Variants in CDKL5 observed in about 807,000 individuals in gnomAD.
CDKL5 encodes the protein cyclin dependent kinase like 5.
CDKL5 carries 8 observed loss-of-function variants against 61.7 expected under a neutral mutation model. The observed-to-expected ratio is 0.13, with a 90% CI of 0.08 to 0.23. The LOEUF (loss-of-function observed/expected upper bound fraction) is 0.23. CDKL5 is among the 10% of genes least tolerant of loss of function. The pLI, the probability that CDKL5 is intolerant of heterozygous loss-of-function variation, is 1.00. For missense variants in CDKL5, 440 were observed against 734.5 expected, an observed-to-expected ratio of 0.60 and a Z score of 4.63; for synonymous variants, 275 against 272.3, an observed-to-expected ratio of 1.01 and a Z score of -0.10.
intron 8 of CDKL5, among the ~76,000 whole-genome samples, chrX:18,587,153 G>C (rs1244773358): frequency 9.0e-6 from 1 of 110,725 alleles, no homozygotes; most frequent in African/African-American, 3.3e-5. Context: ...AAATGTGTGT[G>C]AGCGTGCACG....
intron 1 of CDKL5, among the ~76,000 whole-genome samples, chrX:18,480,272 A>G (rs1412885336): frequency 9.0e-6 from 1 of 111,703 alleles, no homozygotes; most frequent in Non-Finnish European, 1.9e-5. Flanking sequence ...TTTGTGGAGT[A>G]TCCCTCAGTT....
chrX:18,511,161 T>C (rs1270923383), intron 3 of CDKL5, among the ~76,000 whole-genome samples: 1 of 112,201 alleles, frequency 8.9e-6, no homozygotes, highest in East Asian at 2.8e-4. Flanking sequence ...TAAATACTTA[T>C]ATGTGGAATT....
In CDKL5 at chrX:18,633,263, G is replaced by A. The variant is rs1927284597; in HGVS notation, c.*4506G>A. 1 of 752,597 alleles carries A rather than the reference G, an allele frequency of 1.3e-6. No homozygotes were observed. Among genetic ancestry groups the A allele is most frequent in the African/African-American group, 2.3e-5 (1 of 43,282 alleles). The allele number at this position is 752,597 out of a possible 1,213,427, so 62.0% of individuals were successfully genotyped here. On this transcript the variant is annotated 3_prime_UTR_variant, in exon 18 of 18. Coordinates refer to ENST00000623535, the MANE Select transcript of CDKL5 (RefSeq NM_001323289.2). ...GTACACTGAACCAAGTCAGAAAATA[G>A]TGAAATATTTCCTTGCCTCCTTCAG...
At chrX:18,534,898 A>G (rs765485886) in intron 3 of CDKL5, among the ~76,000 whole-genome samples, 25 of 112,379 alleles carry the variant, frequency 2.2e-4, no homozygotes, top group Non-Finnish European at 4.5e-4. Context: ...ATTTTCTTTC[A>G]TTAGGGAGAA....
intron 12 of CDKL5, among the ~76,000 whole-genome samples, chrX:18,605,800 G>C (rs1926344326): frequency 8.9e-6 from 1 of 112,252 alleles, no homozygotes; most frequent in South Asian, 3.7e-4. Context: ...TCTATGCTGG[G>C]TGTTCCCAGG....
At chrX:18,501,007 T>A (rs1200172353) in intron 1 of CDKL5, among the ~76,000 whole-genome samples, 1 of 110,413 alleles carries the variant, frequency 9.1e-6, no homozygotes, top group Admixed American at 9.7e-5. Flanking sequence ...CCCGGCTAAT[T>A]TTTTGGTATT....
At chrX:18,478,354 T>A (rs1196748095) in intron 1 of CDKL5, among the ~76,000 whole-genome samples, 1 of 102,360 alleles carries the variant, frequency 9.8e-6, no homozygotes, top group Non-Finnish European at 2.0e-5. Context: ...GCAGTGGTGC[T>A]ATGTCAGCTC....
At chrX:18,644,701 G>C, downstream of CDKL5, 2 of 1,038,364 alleles carry the variant, frequency 1.9e-6, no homozygotes, top group East Asian at 3.0e-5. Context: ...GCTGGCTCTC[G>C]AGGGGATGCC....
At position 18,636,349 on chromosome X, in the gene CDKL5, T is replaced by C; in HGVS notation, c.*7592T>C. The C allele has an allele frequency of 1.0e-5, 1 of 96,226 alleles. No individual in the cohort carries two copies. Among genetic ancestry groups the C allele is most frequent in the East Asian group, 3.0e-4 (1 of 3,294 alleles). 7.9% of individuals were successfully genotyped at this position (96,226 alleles called of 1,213,427 possible). A position where few individuals can be genotyped will look rare whatever the true frequency, so the allele number is the denominator to read the frequency against. ...CAAGTGTTTTGCTTTATTATTATTA[T>C]TATTATTATTATTATTATTATTATT... On this transcript the variant is annotated 3_prime_UTR_variant, in exon 18 of 18. Coordinates refer to ENST00000623535, the MANE Select transcript of CDKL5 (RefSeq NM_001323289.2).
Position 18,598,543 on chromosome X carries a change from C to G in CDKL5, c.907C>G (p.Leu303Val). Reference protein sequence around the residue: ...NHPTFQTQRLLDRSPSRSAKR... With the variant: ...NHPTFQTQRLVDRSPSRSAKR... ...CCCTACATTTCAAACCCAGAGACTT[C>G]TGGATCGTTCTCCTTCAAGGTCAGC... Residue 303 changes from leucine to valine, a missense_variant, in exon 11 of 18, where the codon CTG becomes GTG. Transcript: ENST00000623535. 2 of 1,208,641 alleles carry G rather than the reference C, an allele frequency of 1.7e-6. No homozygotes were observed. Among genetic ancestry groups the G allele is most frequent in the African/African-American group, 1.7e-5 (1 of 57,693 alleles).
chrX:18,464,031 GT>G (rs752288375), intron 1 of CDKL5, among the ~76,000 whole-genome samples: 1 of 102,478 alleles, frequency 9.8e-6, no homozygotes, highest in Non-Finnish European at 2.0e-5. Context: ...TTTTGTTTTT[GT>G]TTTTTTTTTA....
intron 13 of CDKL5, 81 bp downstream of exon 13, chrX:18,608,993 C>A: frequency 1.5e-6 from 1 of 670,489 alleles, no homozygotes; most frequent in Non-Finnish European, 2.4e-6. Flanking sequence ...AATACCCAGT[C>A]TCCCACAAAT....
intron 10 of CDKL5, among the ~76,000 whole-genome samples, chrX:18,597,528 A>G (rs1434085866): frequency 9.1e-6 from 1 of 110,390 alleles, no homozygotes; most frequent in Non-Finnish European, 1.9e-5. Context: ...TTTTAAAAAA[A>G]TGTAAAAGAA....
At chrX:18,473,988 C>T (rs1359665060) in intron 1 of CDKL5, among the ~76,000 whole-genome samples, 1 of 108,113 alleles carries the variant, frequency 9.2e-6, no homozygotes, top group Non-Finnish European at 1.9e-5. Flanking sequence ...CCTGCCTCAG[C>T]CTCCTGAGTA....
intron 1 of CDKL5, among the ~76,000 whole-genome samples, chrX:18,463,150 A>G (rs1715213334): frequency 9.0e-6 from 1 of 110,658 alleles, no homozygotes; most frequent in African/African-American, 3.3e-5. Flanking sequence ...GTGTCAGGAA[A>G]GAGGCCACAG....
At chrX:18,615,898 G>A (rs1926699610) in intron 15 of CDKL5, among the ~76,000 whole-genome samples, 1 of 112,231 alleles carries the variant, frequency 8.9e-6, no homozygotes, top group African/African-American at 3.2e-5. Context: ...ATGATATCCA[G>A]AGCTGTTATT....
chrX:18,645,664 T>C (rs997269324), intron 19 of CDKL5, among the ~76,000 whole-genome samples: 7 of 110,917 alleles, frequency 6.3e-5, no homozygotes, highest in Non-Finnish European at 1.1e-4. Context: ...TCAACTACTC[T>C]CCCTGGATTG....
At chrX:18,433,637 G>A (rs1250015957) in intron 1 of CDKL5, among the ~76,000 whole-genome samples, 1 of 112,625 alleles carries the variant, frequency 8.9e-6, no homozygotes, top group Non-Finnish European at 1.9e-5. Context: ...AATACATAGC[G>A]GAATTTAAAG....
In CDKL5 at chrX:18,588,106, A is replaced by G; in HGVS notation, c.707A>G (p.Lys236Arg). 1.7e-6 allele frequency: 2 copies of G among 1,211,014 alleles called. No homozygotes were observed. Among genetic ancestry groups the G allele is most frequent in the Non-Finnish European group, 2.2e-6 (2 of 895,159 alleles). ...VLGPLPSEQMKLFYSNPRFHG... is the reference protein window; with the variant it reads ...VLGPLPSEQMRLFYSNPRFHG... ...GGACCACTTCCATCTGAGCAGATGA[A>G]GCTTTTCTACAGTAATCCTCGCTTC... Residue 236 changes from lysine (K) to arginine (R), a missense_variant, in exon 9 of 18, where the codon AAG becomes AGG. Lys to Arg is a conservative substitution (Grantham distance 26). Transcript: ENST00000623535.
Sources: gnomAD v4.1 joint callset for allele counts (sites outside exome capture counted in the v4.1 genomes callset) on GRCh38, gnomAD v4.1.1 for gene constraint, MANE v1.5 for transcripts, NCBI Gene and HGNC (gene_info 2026-07-23, HGNC 2026-07-21) for gene names.